The following EVC2 variants were observed in gnomAD, a reference collection of about 807,000 sequenced individuals.
EVC2 encodes the protein limbin.
A neutral mutation model predicts 149.3 loss-of-function variants in EVC2; 148 were observed. The observed-to-expected ratio is 0.99, with a 90% CI of 0.87 to 1.14. The LOEUF (loss-of-function observed/expected upper bound fraction) is 1.14, where lower values mean the gene tolerates loss of function less well. Among genes scored for constraint, EVC2 ranks in the 50% most tolerant of loss-of-function variants. The pLI, the probability that EVC2 is intolerant of heterozygous loss-of-function variation, is 0.00. For missense variants in EVC2, 1,854 were observed against 1,627.3 expected, an observed-to-expected ratio of 1.14 and a Z score of -2.40; for synonymous variants, 776 against 649.9, an observed-to-expected ratio of 1.19 and a Z score of -2.95.
At chr4:5,595,692 T>A (rs1340854390) in intron 16 of EVC2, among the ~76,000 whole-genome samples, 1 of 152,188 alleles carries the variant, frequency 6.6e-6, no homozygotes, top group South Asian at 2.1e-4. Context: ...AACATCATCA[T>A]GACAGGATCA....
chr4:5,622,586 C>T lies in EVC2; in HGVS notation c.2452G>A (p.Val818Met), dbSNP rs779490211. The change falls in exon 14 of 22, where the codon GTG becomes ATG. Residue 818 changes from valine to methionine, a missense_variant. Physicochemically the swap from Val to Met is conservative, Grantham distance 21 (BLOSUM62 1). Coordinates refer to ENST00000344408, the MANE Select transcript of EVC2 (RefSeq NM_147127.5). This position sits in a 1 kb window ranked among gnomAD's most constrained non-coding sequence, Gnocchi z 5.8. ...CGCAGCTCTGCCTGCTCCTCTGTCA[C>T]GGCCTCAGGAGCGTCATCCTTCAGT... ...QRLKDDAPEA[V>M]TEEQAELRRW... is the part of the protein sequence containing the mutation. The T allele has an allele frequency of 7.4e-6, 12 of 1,613,866 alleles. No homozygotes were observed. Among genetic ancestry groups the T allele is most frequent in the Admixed American group, 6.7e-5 (4 of 59,990 alleles).
At chr4:5,669,354 C>G (rs1719481713) in intron 7 of EVC2, among the ~76,000 whole-genome samples, 1 of 152,166 alleles carries the variant, frequency 6.6e-6, no homozygotes, top group South Asian at 2.1e-4. Flanking sequence ...TACTGATAGA[C>G]AAATGGAGAT....
intron 21 of EVC2, among the ~76,000 whole-genome samples, chr4:5,550,975 G>T (rs573434302): frequency 6.6e-6 from 1 of 152,368 alleles, no homozygotes; most frequent in South Asian, 2.1e-4. Context: ...AAAAATTGTG[G>T]TTTGGGAACC....
intron 3 of EVC2, among the ~76,000 whole-genome samples, chr4:5,692,519 A>T (rs1721183113): frequency 6.6e-6 from 1 of 152,182 alleles, no homozygotes; most frequent in Non-Finnish European, 1.5e-5. Context: ...AAATCCTGTG[A>T]TCTTTCCACA....
chr4:5,636,011 T>C lies in EVC2; in HGVS notation c.1471-3979A>G, dbSNP rs545342301. Among the ~76,000 whole-genome samples, 5 of 152,334 alleles carry C rather than the reference T, an allele frequency of 3.3e-5. No homozygotes were observed. Among genetic ancestry groups the C allele is most frequent in the Non-Finnish European group, 7.3e-5 (5 of 68,034 alleles). ...AATTACATTCAGTTATGAATCATAA[T>C]AAACCCTTGTCCAAGGTTGACTCAG... On this transcript the variant is annotated intron_variant, in intron 10 of 21. Transcript: ENST00000344408. The surrounding 1 kb of genome is among the most constrained non-coding windows in gnomAD (Gnocchi z 4.6).
In EVC2 at chr4:5,637,807, C is replaced by CT. The variant is rs905076555; in HGVS notation, c.1470+2706dup. Among the ~76,000 whole-genome samples the CT allele has an allele frequency of 6.7e-3, 933 of 138,872 alleles. 5 individuals carry two copies. The highest frequency in any genetic ancestry group is 0.018 in the African/African-American group (670 of 38,116). 91.1% of individuals were successfully genotyped at this position (138,872 alleles called of 152,430 possible). ...ACTGAGTTGTGGGATGGGCTTCTCT[C>CT]TTTTTTTTTTTTTTCAGGGCTTTTT... is the stretch of plus-strand genomic sequence containing the variant. On this transcript the variant is annotated intron_variant, in intron 10 of 21. Coordinates refer to ENST00000344408, the MANE Select transcript of EVC2 (RefSeq NM_147127.5). The surrounding 1 kb of genome is among the most constrained non-coding windows in gnomAD (Gnocchi z 4.4).
intron 21 of EVC2, among the ~76,000 whole-genome samples, chr4:5,557,210 A>T (rs1371382302): frequency 6.6e-6 from 1 of 152,212 alleles, no homozygotes; most frequent in Non-Finnish European, 1.5e-5. Flanking sequence ...TAATTTATAA[A>T]AAGAATGATA....
chr4:5,626,331 G>GTTTT (rs34539817), intron 12 of EVC2, among the ~76,000 whole-genome samples: 33 of 124,658 alleles, frequency 2.6e-4, no homozygotes, highest in African/African-American at 9.5e-4. Flanking sequence ...CGTTCTTCTT[G>GTTTT]TTTTTTTTTT....
intron 1 of EVC2, 59 bp downstream of exon 1, chr4:5,708,227 G>A: frequency 7.2e-7 from 1 of 1,382,210 alleles, no homozygotes; most frequent in South Asian, 1.5e-5. Context: ...GCCACCGCCG[G>A]TGTAGACAAA....
intron 7 of EVC2, among the ~76,000 whole-genome samples, chr4:5,672,973 G>A (rs993668084): frequency 6.6e-6 from 1 of 152,186 alleles, no homozygotes; most frequent in Non-Finnish European, 1.5e-5. Flanking sequence ...CAGATGAGTG[G>A]TTTGCCAGGG....
intron 4 of EVC2, 90 bp from the exon 5 acceptor site, chr4:5,689,433 C>T: frequency 2.3e-6 from 3 of 1,324,380 alleles, no homozygotes; most frequent in Non-Finnish European, 3.2e-6. Context: ...GCACATTAGG[C>T]ATCCAGGAAG....
rs1478802953 is a variant in EVC2, at chr4:5,667,901, C to T, written c.871-2252G>A. On this transcript the variant is annotated intron_variant, in intron 7 of 21. Coordinates refer to ENST00000344408, the MANE Select transcript of EVC2 (RefSeq NM_147127.5). ...AAAAAACAGTTCAGGCACAGGGAGC[C>T]ACTCTTAGCAGTTTTAAGAAGATGG... Among the ~76,000 whole-genome samples, 9 of 152,194 alleles carry T rather than the reference C, an allele frequency of 5.9e-5. No homozygotes were observed. In the South Asian group the frequency reaches 1.7e-3, roughly 28 times the overall value.
At chr4:5,687,795 C>T (rs763805721) in intron 5 of EVC2, among the ~76,000 whole-genome samples, 11 of 152,178 alleles carry the variant, frequency 7.2e-5, no homozygotes, top group East Asian at 1.9e-4. Context: ...AGATGAGAGA[C>T]GTGCAGGACC....
At chr4:5,615,655 C>A (rs1338610396) in intron 15 of EVC2, 111 bp from the exon 16 acceptor site, 4 of 1,490,560 alleles carry the variant, frequency 2.7e-6, no homozygotes. Context: ...CCCAGAACTG[C>A]AAAACTCTGC....
chr4:5,602,552 G>C (rs1430835872), intron 16 of EVC2, among the ~76,000 whole-genome samples: 1 of 151,498 alleles, frequency 6.6e-6, no homozygotes, highest in Admixed American at 6.6e-5. Flanking sequence ...TCCAGGTTTA[G>C]AGAAGAAAGA....
At chr4:5,558,212 G>T (rs4269121), downstream of EVC2, among the ~76,000 whole-genome samples, 16 of 151,928 alleles carry the variant, frequency 1.1e-4, no homozygotes, top group Non-Finnish European at 1.9e-4. Flanking sequence ...AGGAACAGGT[G>T]CATAGATCAT....
chr4:5,638,755 G>C (rs1231760549), intron 10 of EVC2, among the ~76,000 whole-genome samples: 1 of 152,108 alleles, frequency 6.6e-6, no homozygotes, highest in Non-Finnish European at 1.5e-5. Context: ...CCTTATAAGA[G>C]ACAGGAGATG....
chr4:5,628,831 A>G, intron 11 of EVC2, 97 bp from the exon 12 acceptor site: 1 of 1,264,734 alleles, frequency 7.9e-7, no homozygotes, highest in Non-Finnish European at 1.1e-6. Flanking sequence ...TTTTATAAGA[A>G]AATACACAAG....
intron 16 of EVC2, among the ~76,000 whole-genome samples, chr4:5,586,423 T>C (rs577772698): frequency 6.6e-6 from 1 of 152,280 alleles, no homozygotes; most frequent in African/African-American, 2.4e-5. Flanking sequence ...CTCAACCATC[T>C]GAATGGACCA....
Sources: allele counts gnomAD v4.1 joint callset (sites outside exome capture counted in the v4.1 genomes callset), GRCh38; gene constraint gnomAD v4.1.1; non-coding constraint Gnocchi (gnomAD v3.1); transcripts MANE v1.5; gene names NCBI Gene and HGNC (gene_info 2026-07-23, HGNC 2026-07-21).